Variants in CDH18 observed in about 807,000 individuals in gnomAD.
CDH18 encodes cadherin 18, also known as cadherin-18.
CDH18 carries 31 observed loss-of-function variants against 67.9 expected under a neutral mutation model. The observed-to-expected ratio is 0.46, with a 90% CI of 0.34 to 0.62. The LOEUF (loss-of-function observed/expected upper bound fraction) is 0.62. Among genes scored for constraint, CDH18 ranks in the 20% least tolerant of loss-of-function variants. The pLI is 0.01. For missense variants in CDH18, 890 were observed against 975.5 expected (o/e 0.91, Z 1.17); for synonymous variants, 362 against 347.2 (o/e 1.04, Z -0.48).
At chr5:20,449,663 T>G (rs888277812) in intron 1 of CDH18, among the ~76,000 whole-genome samples, 1 of 152,044 alleles carries the variant, frequency 6.6e-6, no homozygotes, top group African/African-American at 2.4e-5. Context: ...CATTTATATG[T>G]ATTAACATTC....
At chr5:20,526,333 C>T (rs560648843) in intron 1 of CDH18, among the ~76,000 whole-genome samples, 2 of 152,212 alleles carry the variant, frequency 1.3e-5, no homozygotes, top group East Asian at 3.9e-4. Context: ...ATCTTTCCTG[C>T]CTGCTGACTC....
chr5:19,708,370 C>T (rs568094545), intron 5 of CDH18, among the ~76,000 whole-genome samples: 7 of 152,200 alleles, frequency 4.6e-5, no homozygotes, highest in Middle Eastern at 3.4e-3. Context: ...TCTTTATATA[C>T]TCTGCAGATG....
intron 10 of CDH18, among the ~76,000 whole-genome samples, chr5:19,513,276 T>C (rs1040660582): frequency 6.6e-6 from 1 of 152,038 alleles, no homozygotes; most frequent in Non-Finnish European, 1.5e-5. Flanking sequence ...CCCAGCTAAA[T>C]CTATTCTTGT....
chr5:20,316,094 A>G (rs1737435510), intron 1 of CDH18, among the ~76,000 whole-genome samples: 1 of 152,160 alleles, frequency 6.6e-6, no homozygotes. Context: ...TTGGCAAGAC[A>G]TACAAACTCT....
chr5:20,194,858 T>A (rs1056324351), intron 2 of CDH18, among the ~76,000 whole-genome samples: 2 of 152,030 alleles, frequency 1.3e-5, no homozygotes, highest in African/African-American at 4.8e-5. Context: ...AGATTTGCAT[T>A]TCATCACCAT....
Position 19,733,328 on chromosome 5 carries a change from T to C in CDH18, c.524-11862A>G, listed in dbSNP as rs1008759920. Among the ~76,000 whole-genome samples, 7 of 152,338 alleles carry C rather than the reference T, an allele frequency of 4.6e-5. No individual in the cohort carries two copies. The East Asian group carries it at 1.2e-3, about 25-fold the overall frequency. The stretch of plus-strand genomic sequence containing the variant: ...TTTTTACACTGTTCCCACCTTTGAC[T>C]GGTGCCTTTGTTTTAACCTTTTTCC... On this transcript the variant is annotated intron_variant, in intron 4 of 12. Coordinates refer to ENST00000382275, the MANE Select transcript of CDH18 (RefSeq NM_004934.5).
chr5:20,235,391 T>G (rs1320529594), intron 2 of CDH18, among the ~76,000 whole-genome samples: 1 of 152,044 alleles, frequency 6.6e-6, no homozygotes, highest in African/African-American at 2.4e-5. Context: ...AACAAAGGCC[T>G]ATTATCCAGA....
At chr5:19,724,804 T>C (rs1766585462) in intron 4 of CDH18, among the ~76,000 whole-genome samples, 1 of 152,190 alleles carries the variant, frequency 6.6e-6, no homozygotes, top group African/African-American at 2.4e-5. Context: ...GTTTTCTCAA[T>C]ATACCGCTAA....
chr5:19,803,143 C>A (rs954486809), intron 3 of CDH18, among the ~76,000 whole-genome samples: 2 of 152,206 alleles, frequency 1.3e-5, no homozygotes, highest in African/African-American at 4.8e-5. Context: ...CAAACTCGCA[C>A]ATTTATAAAT....
intron 1 of CDH18, among the ~76,000 whole-genome samples, chr5:20,332,447 CGCTTAA>C (rs1561979138): frequency 6.6e-6 from 1 of 152,086 alleles, no homozygotes; most frequent in African/African-American, 2.4e-5. Context: ...TCCTGGTGAA[CGCTTAA>C]GTCTGGGCTT....
At chr5:20,401,153 T>C (rs1418043902) in intron 1 of CDH18, among the ~76,000 whole-genome samples, 1 of 152,252 alleles carries the variant, frequency 6.6e-6, no homozygotes, top group Non-Finnish European at 1.5e-5. Context: ...AACAACTGTC[T>C]TGAAATAATA....
intron 1 of CDH18, among the ~76,000 whole-genome samples, chr5:20,274,201 A>AGG (rs1745639547): frequency 6.6e-6 from 1 of 152,142 alleles, no homozygotes; most frequent in Non-Finnish European, 1.5e-5. Context: ...TTAAATTTGA[A>AGG]CTTCTAGCCT....
intron 2 of CDH18, among the ~76,000 whole-genome samples, chr5:20,046,287 A>G (rs1233637053): frequency 6.6e-6 from 1 of 152,006 alleles, no homozygotes; most frequent in Non-Finnish European, 1.5e-5. Context: ...TTAAGTACTC[A>G]GAAGAATGAA....
chr5:19,977,342 C>A (rs1199470335), intron 2 of CDH18, among the ~76,000 whole-genome samples: 1 of 152,108 alleles, frequency 6.6e-6, no homozygotes, highest in African/African-American at 2.4e-5. Flanking sequence ...TGAAGTTATT[C>A]CCCAAAGCTT....
intron 1 of CDH18, among the ~76,000 whole-genome samples, chr5:20,477,259 A>C (rs1752503331): frequency 6.6e-6 from 1 of 152,152 alleles, no homozygotes; most frequent in African/African-American, 2.4e-5. Context: ...TAGAAGCTGC[A>C]GTGGTCATCC....
chr5:20,516,433 T>C (rs1755374781), intron 1 of CDH18, among the ~76,000 whole-genome samples: 1 of 151,922 alleles, frequency 6.6e-6, no homozygotes. Context: ...AACAAAACAA[T>C]GCAGTACAAA....
upstream of CDH18, among the ~76,000 whole-genome samples, chr5:19,989,527 G>C (rs551011257): frequency 6.6e-5 from 10 of 152,218 alleles, 1 homozygote; most frequent in African/African-American, 2.2e-4. Context: ...CACTTTAGCA[G>C]GTCTCTGTGA....
intron 2 of CDH18, among the ~76,000 whole-genome samples, chr5:19,846,956 C>A (rs1561431297): frequency 6.6e-6 from 1 of 151,680 alleles, no homozygotes; most frequent in African/African-American, 2.4e-5. Context: ...AATATATTAT[C>A]CTGTCACTTC....
intron 1 of CDH18, among the ~76,000 whole-genome samples, chr5:20,377,922 GAATTTGCTCCTTTAATGGAGCAA>G (rs1743593165): frequency 9.8e-6 from 1 of 102,410 alleles, no homozygotes; most frequent in Non-Finnish European, 1.8e-5. Flanking sequence ...TCTCAATTAT[GAATTTGCTCCTTTAATGGAGCAA>G]TTATGAATTT....
Sources: allele counts gnomAD v4.1 joint callset (sites outside exome capture counted in the v4.1 genomes callset), GRCh38; gene constraint gnomAD v4.1.1; transcripts MANE v1.5; gene names NCBI Gene and HGNC (gene_info 2026-07-23, HGNC 2026-07-21).